Variants in KIF26B observed in about 807,000 individuals in gnomAD.
The protein encoded by KIF26B is kinesin family member 26B.
A neutral mutation model predicts 151.2 loss-of-function variants in KIF26B; 63 were observed. The ratio of observed to expected loss-of-function variants is 0.42; its 90% CI spans 0.34 to 0.51. The LOEUF (loss-of-function observed/expected upper bound fraction) is 0.51. Ranked by LOEUF, KIF26B falls within the 20% of genes least tolerant of loss-of-function variation. KIF26B has a pLI of 0.07. For synonymous variants in KIF26B, 1,357 were observed against 1,262.1 expected (o/e 1.08, Z -1.59); for missense variants, 2,813 against 2,913.6 (o/e 0.97, Z 0.79).
At chr1:245,580,535 TG>T (rs1332721177) in intron 5 of KIF26B, among the ~76,000 whole-genome samples, 1 of 152,086 alleles carries the variant, frequency 6.6e-6, no homozygotes, top group Non-Finnish European at 1.5e-5. Context: ...GGAACCATGT[TG>T]GGGGGACAGA....
chr1:245,260,789 C>G (rs1007950126), intron 2 of KIF26B, among the ~76,000 whole-genome samples: 1 of 152,194 alleles, frequency 6.6e-6, no homozygotes. Context: ...CAGACAGAAC[C>G]AAGCTCCCGA....
intron 4 of KIF26B, among the ~76,000 whole-genome samples, chr1:245,431,585 C>T (rs185544972): frequency 7.8e-4 from 118 of 152,242 alleles, no homozygotes; most frequent in African/African-American, 2.8e-3. Flanking sequence ...ACCTTGTGAT[C>T]TACCCACCTC....
intron 3 of KIF26B, among the ~76,000 whole-genome samples, chr1:245,378,150 C>T (rs1673321027): frequency 6.6e-6 from 1 of 152,290 alleles, no homozygotes; most frequent in South Asian, 2.1e-4. Flanking sequence ...TGTTCCTTCT[C>T]TACCGATCAA....
Position 245,166,628 on chromosome 1 carries a change from C to A in KIF26B, c.465+9945C>A, listed in dbSNP as rs139950304. On this transcript the variant is annotated intron_variant, in intron 2 of 14. Coordinates refer to ENST00000407071, the MANE Select transcript of KIF26B (RefSeq NM_018012.4). The surrounding 1 kb of genome is among the most constrained non-coding windows in gnomAD (Gnocchi z 4.5). The stretch of plus-strand genomic sequence containing the variant: ...GGGAATGAGGGAGAGCAGATTTCCT[C>A]CAGTGACTGCGCATGCGATGTGCAG... Among the ~76,000 whole-genome samples, 2 of 152,186 alleles carry A rather than the reference C, an allele frequency of 1.3e-5. No individual in the cohort carries two copies. Among genetic ancestry groups the A allele is most frequent in the African/African-American group, 4.8e-5 (2 of 41,444 alleles).
chr1:245,667,655 T>G lies in KIF26B; in HGVS notation c.2259-16578T>G, dbSNP rs1399585023. Among the ~76,000 whole-genome samples, 1 of 152,174 alleles carries G rather than the reference T, an allele frequency of 6.6e-6. No individual in the cohort carries two copies. The highest frequency in any genetic ancestry group is 1.9e-4 in the East Asian group (1 of 5,186). ...GCCGGACACTGTGTTAGGTCCTGGC[T>G]ATACAGGAAGAAGAGAAGTGGCATC... is the stretch of plus-strand genomic sequence containing the variant. On this transcript the variant is annotated intron_variant, in intron 10 of 14. Coordinates refer to ENST00000407071, the MANE Select transcript of KIF26B (RefSeq NM_018012.4). This position sits in a 1 kb window ranked among gnomAD's most constrained non-coding sequence, Gnocchi z 4.3.
At chr1:245,694,718 G>A (rs2044668493) in intron 12 of KIF26B, among the ~76,000 whole-genome samples, 1 of 152,202 alleles carries the variant, frequency 6.6e-6, no homozygotes, top group African/African-American at 2.4e-5. Flanking sequence ...GGGGCGAGGG[G>A]GTGGGCTCAG....
chr1:245,291,830 A>G (rs1219003401), intron 2 of KIF26B, among the ~76,000 whole-genome samples: 1 of 152,166 alleles, frequency 6.6e-6, no homozygotes, highest in Non-Finnish European at 1.5e-5. Context: ...CAGAGACGGT[A>G]CGGTGGAGCA....
intron 2 of KIF26B, among the ~76,000 whole-genome samples, chr1:245,186,172 C>T (rs1668997540): frequency 6.6e-6 from 1 of 151,508 alleles, no homozygotes; most frequent in Non-Finnish European, 1.5e-5. Flanking sequence ...TGCGCCTGGC[C>T]CTATATTTTC....
intron 2 of KIF26B, among the ~76,000 whole-genome samples, chr1:245,225,124 C>A (rs941478545): frequency 2.6e-5 from 4 of 152,142 alleles, no homozygotes; most frequent in African/African-American, 9.7e-5. Flanking sequence ...GCAAAACACA[C>A]AATTTCAGAA....
intron 2 of KIF26B, among the ~76,000 whole-genome samples, chr1:245,162,375 CTTTTTTTTTTTTTTT>C (rs138853411): frequency 6.5e-5 from 5 of 76,494 alleles, no homozygotes; most frequent in South Asian, 1.5e-3. Context: ...TCAGAAATAT[CTTTTTTTTTTTTTTT>C]TTTTTTTTTT....
intron 7 of KIF26B, 115 bp from the exon 8 acceptor site, chr1:245,609,151 C>T: frequency 2.1e-6 from 2 of 969,524 alleles, no homozygotes; most frequent in Non-Finnish European, 2.9e-6. Context: ...CCTTCTCTTC[C>T]CTTTTCCCCC....
intron 2 of KIF26B, among the ~76,000 whole-genome samples, chr1:245,204,011 G>A (rs1342836872): frequency 6.6e-6 from 1 of 152,198 alleles, no homozygotes; most frequent in Non-Finnish European, 1.5e-5. Context: ...TACTCCAGAG[G>A]AGGATAAATC....
At chr1:245,476,497 CATTTATTT>C (rs57100568) in intron 4 of KIF26B, among the ~76,000 whole-genome samples, 21,700 of 142,368 alleles carry the variant, frequency 0.15, 1,930 homozygotes, top group South Asian at 0.2. Flanking sequence ...TTAAAAGACA[CATTTATTT>C]ATTTATTTAT....
chr1:245,242,107 A>G (rs181282644), intron 2 of KIF26B, among the ~76,000 whole-genome samples: 26 of 152,316 alleles, frequency 1.7e-4, no homozygotes, highest in Non-Finnish European at 1.5e-4. Flanking sequence ...AATATTTCAA[A>G]CACATAGATA....
intron 3 of KIF26B, among the ~76,000 whole-genome samples, chr1:245,376,564 A>G (rs1223407993): frequency 6.6e-6 from 1 of 152,232 alleles, no homozygotes; most frequent in Non-Finnish European, 1.5e-5. Context: ...CACTGGCGTA[A>G]TAGGTACAGG....
chr1:245,259,735 C>G (rs555291336), intron 2 of KIF26B, among the ~76,000 whole-genome samples: 1 of 151,924 alleles, frequency 6.6e-6, no homozygotes, highest in Non-Finnish European at 1.5e-5. Context: ...AGTTCAAGAC[C>G]AGGCTGGGCC....
chr1:245,328,942 T>C (rs1271359393), intron 2 of KIF26B, among the ~76,000 whole-genome samples: 4 of 152,256 alleles, frequency 2.6e-5, no homozygotes, highest in African/African-American at 4.8e-5. Flanking sequence ...TCATTGTGTG[T>C]TCTTATTAGT....
intron 2 of KIF26B, among the ~76,000 whole-genome samples, chr1:245,201,757 G>C (rs187917489): frequency 6.6e-6 from 1 of 152,122 alleles, no homozygotes. Context: ...TTTAGGAGGC[G>C]TGGGGGCGGG....
In KIF26B at chr1:245,708,238, G is replaced by C. The variant is rs1446237067; in HGVS notation, c.*5632G>C. 2 of 152,246 alleles carry C rather than the reference G, an allele frequency of 1.3e-5. No homozygotes were observed. Among genetic ancestry groups the C allele is most frequent in the African/African-American group, 4.8e-5 (2 of 41,456 alleles). The allele number at this position is 152,246 out of a possible 1,614,324, so 9.4% of individuals were successfully genotyped here. A position where few individuals can be genotyped will look rare whatever the true frequency, so the allele number is the denominator to read the frequency against. The stretch of plus-strand genomic sequence containing the variant: ...CTGCCCTTCTGGGAGAGCATCAAGA[G>C]AAAGTGGTATAAGTGATGGGAAGTG... On this transcript the variant is annotated 3_prime_UTR_variant, in exon 15 of 15. Transcript: ENST00000407071.
Sources: gnomAD v4.1 joint callset for allele counts (sites outside exome capture counted in the v4.1 genomes callset) on GRCh38, gnomAD v4.1.1 for gene constraint, Gnocchi (gnomAD v3.1) non-coding constraint, MANE v1.5 for transcripts, NCBI Gene and HGNC (gene_info 2026-07-23, HGNC 2026-07-21) for gene names.